The following RPH3A variants were observed in gnomAD, a reference collection of about 807,000 sequenced individuals.
The protein encoded by RPH3A is rabphilin 3A.
Under a neutral mutation model 102.2 loss-of-function variants are expected in RPH3A, and 48 were observed. The observed-to-expected ratio is 0.47, with a 90% CI of 0.37 to 0.60. The LOEUF is 0.60. RPH3A is among the 20% of genes least tolerant of loss of function. The pLI is 0.00. For missense variants in RPH3A, 781 were observed against 910.1 expected (o/e 0.86, Z 1.83); for synonymous variants, 310 against 324.3 (o/e 0.96, Z 0.47).
rs558615075 is a variant in RPH3A at position 112,876,932 on chromosome 12, G to A, written c.1171+66G>A. 129 of 1,296,182 alleles carry A rather than the reference G, an allele frequency of 1.0e-4. 1 individual carries two copies. The South Asian group carries it at 1.7e-3, about 17-fold the overall frequency. The allele number at this position is 1,296,182 out of a possible 1,614,324, so 80.3% of individuals were successfully genotyped here. On this transcript the variant is annotated intron_variant, in intron 13 of 21. Coordinates refer to ENST00000389385, the MANE Select transcript of RPH3A (RefSeq NM_001143854.2). ...TTCAGGAGCCAAGCCCAGGAAAACA[G>A]GAACGGCTCAGGAACAGCCCTGTCT...
intron 2 of RPH3A, among the ~76,000 whole-genome samples, chr12:112,822,385 G>A (rs909509960): frequency 2.6e-5 from 4 of 152,228 alleles, no homozygotes; most frequent in African/African-American, 7.2e-5. Context: ...GCTGGGTCAC[G>A]TTCAGACACC....
chr12:112,879,586 C>T (rs1227468037), intron 14 of RPH3A, among the ~76,000 whole-genome samples: 2 of 152,180 alleles, frequency 1.3e-5, no homozygotes, highest in African/African-American at 2.4e-5. Flanking sequence ...CTGCCTGAGG[C>T]CCCTTCTGCT....
intron 1 of RPH3A, among the ~76,000 whole-genome samples, chr12:112,631,179 A>C (rs2039801372): frequency 6.6e-6 from 1 of 152,094 alleles, no homozygotes; most frequent in African/African-American, 2.4e-5. Context: ...TCTTGCAGCA[A>C]ACTTGGACAC....
At chr12:112,663,059 G>GTGTGT (rs2040059601) in intron 1 of RPH3A, among the ~76,000 whole-genome samples, 3 of 141,136 alleles carry the variant, frequency 2.1e-5, no homozygotes, top group Non-Finnish European at 4.5e-5. Context: ...CTAAGTGATT[G>GTGTGT]GTGTGTGTGT....
chr12:112,851,115 T>C (rs1011322540), intron 5 of RPH3A, among the ~76,000 whole-genome samples: 2 of 152,218 alleles, frequency 1.3e-5, no homozygotes, highest in Non-Finnish European at 2.9e-5. Flanking sequence ...TAAATAATCA[T>C]CATGATGGAT....
intron 1 of RPH3A, among the ~76,000 whole-genome samples, chr12:112,684,930 T>G (rs988094424): frequency 2.0e-5 from 3 of 152,174 alleles, no homozygotes; most frequent in Admixed American, 1.3e-4. Flanking sequence ...CGTCCCCACC[T>G]GGTGGAAGGG....
At chr12:112,866,672 C>A in intron 6 of RPH3A, 85 bp from the exon 7 acceptor site, 2 of 1,084,056 alleles carry the variant, frequency 1.8e-6, no homozygotes, top group South Asian at 2.7e-5. Flanking sequence ...CTCTTTACAT[C>A]CACCAAGAGA....
intron 1 of RPH3A, among the ~76,000 whole-genome samples, chr12:112,773,698 C>G (rs994528226): frequency 4.7e-5 from 7 of 150,360 alleles, no homozygotes; most frequent in African/African-American, 1.7e-4. Context: ...CCTACCTCAC[C>G]AATGGGCCAC....
chr12:112,895,750 C>A (rs573239519), intron 20 of RPH3A, 27 bp from the exon 21 acceptor site: 6 of 1,550,284 alleles, frequency 3.9e-6, no homozygotes, highest in East Asian at 2.2e-5. Context: ...GGGCTCTTAC[C>A]CACATGTCTT....
At chr12:112,694,384 A>C (rs2040329749) in intron 1 of RPH3A, among the ~76,000 whole-genome samples, 1 of 152,038 alleles carries the variant, frequency 6.6e-6, no homozygotes, top group Admixed American at 6.5e-5. Flanking sequence ...ATTATCCGGC[A>C]AGTGCCCCAC....
intron 19 of RPH3A, among the ~76,000 whole-genome samples, chr12:112,892,566 G>A (rs530892357): frequency 1.2e-4 from 18 of 152,298 alleles, no homozygotes; most frequent in Admixed American, 4.6e-4. Context: ...CCCTGCTAGC[G>A]TCAGTTATTG....
intron 1 of RPH3A, among the ~76,000 whole-genome samples, chr12:112,706,168 C>T (rs1039966535): frequency 2.0e-5 from 3 of 152,090 alleles, no homozygotes; most frequent in Admixed American, 1.3e-4. Flanking sequence ...TATTATGTGC[C>T]GACAGCATGC....
At chr12:112,814,887 G>A (rs56388188) in intron 2 of RPH3A, among the ~76,000 whole-genome samples, 3,408 of 152,286 alleles carry the variant, frequency 0.022, 119 homozygotes, top group East Asian at 0.15. Flanking sequence ...AGCTGGCCAA[G>A]AACACATGTT....
In RPH3A at chr12:112,712,904, CTCTTCTTCTTCTTCTTCT is replaced by C. The variant is rs1387688395; in HGVS notation, c.-139-79236_-139-79219del. 1.7e-4 allele frequency among the ~76,000 whole-genome samples: 16 copies of C among 92,572 alleles called. 1 individual carries two copies. Among genetic ancestry groups the C allele is most frequent in the Admixed American group, 7.6e-4 (7 of 9,252 alleles). The allele number at this position is 92,572 out of a possible 152,430, so 60.7% of individuals were successfully genotyped here. A position where few individuals can be genotyped will look rare whatever the true frequency, so the allele number is the denominator to read the frequency against. On this transcript the variant is annotated intron_variant, in intron 1 of 21. Transcript: ENST00000543106. ...TTTCTTCTTCTTCTTCTTCTTCTTC[CTCTTCTTCTTCTTCTTCT>C]TCCTCTTCTTCTTCTTCTTCTTCTT...
chr12:112,843,009 C>A (rs937402873), intron 4 of RPH3A, among the ~76,000 whole-genome samples: 4 of 151,962 alleles, frequency 2.6e-5, no homozygotes, highest in Non-Finnish European at 5.9e-5. Context: ...ACATAGTAGG[C>A]CCTCTGGGTA....
At chr12:112,867,426 G>A (rs912570754) in intron 7 of RPH3A, among the ~76,000 whole-genome samples, 2 of 151,924 alleles carry the variant, frequency 1.3e-5, no homozygotes, top group Non-Finnish European at 2.9e-5. Context: ...CTTTGAAACC[G>A]TGTTTCAATA....
At chr12:112,774,950 A>G (rs1185551793) in intron 1 of RPH3A, among the ~76,000 whole-genome samples, 1 of 152,176 alleles carries the variant, frequency 6.6e-6, no homozygotes, top group Admixed American at 6.6e-5. Flanking sequence ...CTACACATGT[A>G]CCCCAGAACT....
chr12:112,692,438 A>T (rs992730325), intron 1 of RPH3A, among the ~76,000 whole-genome samples: 1 of 152,210 alleles, frequency 6.6e-6, no homozygotes, highest in South Asian at 2.1e-4. Flanking sequence ...ATGTACAGTT[A>T]TTCTGTGTCA....
chr12:112,744,492 T>C (rs2040730595), intron 1 of RPH3A, among the ~76,000 whole-genome samples: 1 of 152,150 alleles, frequency 6.6e-6, no homozygotes, highest in Non-Finnish European at 1.5e-5. Flanking sequence ...TGGAGACCCA[T>C]GTTTCGGAGG....
Sources: allele counts gnomAD v4.1 joint callset (sites outside exome capture counted in the v4.1 genomes callset), GRCh38; gene constraint gnomAD v4.1.1; transcripts MANE v1.5; gene names NCBI Gene and HGNC (gene_info 2026-07-23, HGNC 2026-07-21).